PROM1: variants seen among roughly 807,000 people sequenced by gnomAD.
The protein encoded by PROM1 is prominin 1.
In PROM1, 105 loss-of-function variants were observed where a neutral mutation model predicts 116.9. The ratio of observed to expected loss-of-function variants is 0.90; its 90% CI spans 0.77 to 1.06. The LOEUF (loss-of-function observed/expected upper bound fraction) is 1.06, where lower values mean the gene tolerates loss of function less well. Ranked by LOEUF, PROM1 falls within the 50% of genes least tolerant of loss-of-function variation. The probability of loss-of-function intolerance (pLI) is 0.00; values close to 1 mark genes in which losing one functional copy is unlikely to be tolerated. For missense variants in PROM1, 1,122 were observed against 1,045.2 expected, an observed-to-expected ratio of 1.07 and a Z score of -1.01; for synonymous variants, 393 against 387.0, an observed-to-expected ratio of 1.02 and a Z score of -0.18.
chr4:15,991,358 A>G (rs1720943168), intron 17 of PROM1, 65 bp from the exon 18 acceptor site: 1 of 1,046,704 alleles, frequency 9.6e-7, no homozygotes, highest in Non-Finnish European at 1.4e-6. Context: ...CACAACATCT[A>G]GTAGGCAACA....
At chr4:16,027,495 T>G (rs537433685) in intron 5 of PROM1, among the ~76,000 whole-genome samples, 1 of 152,252 alleles carries the variant, frequency 6.6e-6, no homozygotes, top group East Asian at 1.9e-4. Flanking sequence ...AGATTCCAGA[T>G]ACAAGAAGTC....
chr4:16,006,179 T>A (rs1390152952), intron 13 of PROM1, among the ~76,000 whole-genome samples: 1 of 152,202 alleles, frequency 6.6e-6, no homozygotes, highest in African/African-American at 2.4e-5. Flanking sequence ...GGTGAGTGAA[T>A]AAATGAATGA....
intron 15 of PROM1, among the ~76,000 whole-genome samples, chr4:15,998,178 A>T (rs1399216544): frequency 6.6e-6 from 1 of 152,230 alleles, no homozygotes; most frequent in Non-Finnish European, 1.5e-5. Context: ...ACCTTGAAAC[A>T]TCACCATTCC....
At chr4:16,071,796 TTC>T (rs1742881003) in intron 2 of PROM1, among the ~76,000 whole-genome samples, 1 of 152,164 alleles carries the variant, frequency 6.6e-6, no homozygotes, top group Non-Finnish European at 1.5e-5. Flanking sequence ...TATGGTATTA[TTC>T]CAAGAAACTG....
At chr4:15,979,577 A>C in intron 25 of PROM1, 114 bp from the exon 26 acceptor site, 2 of 1,401,476 alleles carry the variant, frequency 1.4e-6, no homozygotes, top group Non-Finnish European at 1.9e-6. Flanking sequence ...CAATTTGTTA[A>C]ATCTAAAAAA....
rs775407190 is a variant in PROM1 at position 15,984,365 on chromosome 4, T to C, written c.2281-10A>G. 2.0e-6 allele frequency: 3 copies of C among 1,530,392 alleles called. No individual in the cohort carries two copies. Among genetic ancestry groups the C allele is most frequent in the Non-Finnish European group, 2.6e-6 (3 of 1,133,040 alleles). The allele number at this position is 1,530,392 out of a possible 1,614,324, so 94.8% of individuals were successfully genotyped here. A position where few individuals can be genotyped will look rare whatever the true frequency, so the allele number is the denominator to read the frequency against. On this transcript the variant is annotated splice_polypyrimidine_tract_variant and intron_variant, in intron 22 of 27. Coordinates refer to ENST00000447510, the MANE Select transcript of PROM1 (RefSeq NM_006017.3). ...CCACTTTCTCACTGATCTAGGGGGG[T>C]GGAAACACAGGGAAACTTTGAGCTG... is the stretch of plus-strand genomic sequence containing the variant.
chr4:16,015,071 C>T (rs1418194644), intron 10 of PROM1, among the ~76,000 whole-genome samples: 6 of 152,036 alleles, frequency 3.9e-5, no homozygotes, highest in African/African-American at 1.2e-4. Flanking sequence ...ATGGACCGGG[C>T]GTGACGGCTC....
chr4:16,037,351 G>A (rs1024591620), intron 3 of PROM1, among the ~76,000 whole-genome samples: 5 of 152,174 alleles, frequency 3.3e-5, no homozygotes, highest in African/African-American at 1.2e-4. Context: ...CCACGGTGCT[G>A]GGGAAGGCTG....
intron 14 of PROM1, 84 bp downstream of exon 14, chr4:16,000,412 C>A: frequency 8.2e-7 from 1 of 1,222,094 alleles, no homozygotes; most frequent in Non-Finnish European, 1.1e-6. Flanking sequence ...TAAGTTTGCA[C>A]TGCTCTTAAA....
intron 20 of PROM1, 54 bp from the exon 21 acceptor site, chr4:15,986,091 A>G: frequency 1.5e-6 from 2 of 1,293,468 alleles, no homozygotes; most frequent in Non-Finnish European, 2.2e-6. Context: ...AGTTTTAATT[A>G]GACAATTTGC....
chr4:16,032,007 C>A lies in PROM1; in HGVS notation c.509+1297G>T, dbSNP rs144104683. Among the ~76,000 whole-genome samples, 87 of 152,294 alleles carry A rather than the reference C, an allele frequency of 5.7e-4. 1 individual carries two copies. The highest frequency in any genetic ancestry group is 2.0e-3 in the African/African-American group (82 of 41,556). On this transcript the variant is annotated intron_variant, in intron 5 of 27. Transcript: ENST00000447510. ...AAAGAGACAAAAAGCCCAGCTACAGCAAGAAATGAGTTTCCTTCCTTCCCC... is the reference window on the plus strand; with the variant it reads ...AAAGAGACAAAAAGCCCAGCTACAGAAAGAAATGAGTTTCCTTCCTTCCCC...
chr4:16,002,481 G>T (rs141765766), intron 13 of PROM1, among the ~76,000 whole-genome samples: 3 of 152,116 alleles, frequency 2.0e-5, no homozygotes, highest in Non-Finnish European at 4.4e-5. Flanking sequence ...GCTGATGCTC[G>T]CAATCACCAC....
chr4:16,031,014 C>T (rs1732580329), intron 5 of PROM1, among the ~76,000 whole-genome samples: 1 of 152,112 alleles, frequency 6.6e-6, no homozygotes, highest in South Asian at 2.1e-4. Context: ...CCACTGCACT[C>T]CAACCTGGGT....
chr4:16,040,385 G>A (rs1442810614), intron 2 of PROM1, among the ~76,000 whole-genome samples: 2 of 152,152 alleles, frequency 1.3e-5, no homozygotes, highest in South Asian at 2.1e-4. Context: ...ATCCCCTTCC[G>A]ACAACACAGG....
At position 15,987,708 on chromosome 4, in the gene PROM1, T is replaced by C. The variant is rs773851520; in HGVS notation, c.2085A>G (p.Leu695=). The C allele has an allele frequency of 1.1e-5, 18 of 1,611,126 alleles. No individual in the cohort carries two copies. The Admixed American group carries it at 2.4e-4, about 21-fold the overall frequency. ...VLPIEQSLST[L]YQSVKILQRT... ...GTTGAAGTATCTTGACGCTTTGGTA[T>C]AGAGTGCTCTGGCAAGAAACAGATA... The change falls in exon 20 of 28, where the codon CTA becomes CTG. Residue 695 remains leucine, a synonymous_variant. Transcript: ENST00000447510.
rs751412747 is a variant in PROM1, at chr4:15,998,487, AC to A, written c.1579del (p.Val527PhefsTer8). 3.1e-6 allele frequency: 5 copies of A among 1,598,358 alleles called. No individual in the cohort carries two copies. The highest frequency in any genetic ancestry group is 1.3e-5 in the African/African-American group (1 of 74,482). ...EPYTSKELFR[V>X]LDTPYLLNED... ...ATTTAGTAAGTAGGGTGTATCCAAA[AC>A]CTAGAACACATTAGGAAGTATTTTC... On this transcript the variant is annotated frameshift_variant and splice_region_variant, in exon 15 of 28. Coordinates refer to ENST00000447510, the MANE Select transcript of PROM1 (RefSeq NM_006017.3). LOFTEE classifies it high-confidence loss of function.
chr4:16,024,053 C>T (rs1180647948), intron 7 of PROM1, among the ~76,000 whole-genome samples: 1 of 152,204 alleles, frequency 6.6e-6, no homozygotes, highest in Non-Finnish European at 1.5e-5. Context: ...TGCAAGAATG[C>T]TAAAGCTTTC....
Position 15,985,799 on chromosome 4 carries a change from T to C in PROM1, c.2241A>G (p.Ile747Met). 7.3e-7 allele frequency: 1 copy of C among 1,364,336 alleles called. No individual in the cohort carries two copies. Among genetic ancestry groups the C allele is most frequent in the Non-Finnish European group, 9.8e-7 (1 of 1,025,324 alleles). 84.5% of individuals were successfully genotyped at this position (1,364,336 alleles called of 1,614,324 possible). A position where few individuals can be genotyped will look rare whatever the true frequency, so the allele number is the denominator to read the frequency against. The change falls in exon 22 of 28, where the codon ATA becomes ATG. Residue 747 changes from isoleucine (I) to methionine (M), a missense_variant. Coordinates refer to ENST00000447510, the MANE Select transcript of PROM1 (RefSeq NM_006017.3). ...ACTGCAGATAATGTTCAAAATATCC[T>C]ATTATTGTTCTCCCATACTTCTTAG... ...EETKKYGRTIIGYFEHYLQWI... is the reference protein window; with the variant it reads ...EETKKYGRTIMGYFEHYLQWI...
chr4:16,003,259 G>A, intron 13 of PROM1: 1 of 456,488 alleles, frequency 2.2e-6, no homozygotes, highest in South Asian at 1.5e-5. Flanking sequence ...GGACATGTAG[G>A]CTGTTTCCAG....
Sources: gnomAD v4.1 joint callset for allele counts (sites outside exome capture counted in the v4.1 genomes callset) on GRCh38, gnomAD v4.1.1 for gene constraint, MANE v1.5 for transcripts, NCBI Gene and HGNC (gene_info 2026-07-23, HGNC 2026-07-21) for gene names.